RPH3A: variants seen among roughly 807,000 people sequenced by gnomAD.
The protein encoded by RPH3A is rabphilin-3A.
RPH3A carries 48 observed loss-of-function variants against 102.2 expected under a neutral mutation model. The ratio of observed to expected loss-of-function variants is 0.47; its 90% CI spans 0.37 to 0.60. The LOEUF (loss-of-function observed/expected upper bound fraction) is 0.60, where lower values mean the gene tolerates loss of function less well. Among genes scored for constraint, RPH3A ranks in the 20% least tolerant of loss-of-function variants. RPH3A has a pLI of 0.00. For missense variants in RPH3A, 781 were observed against 910.1 expected, an observed-to-expected ratio of 0.86 and a Z score of 1.83; for synonymous variants, 310 against 324.3, an observed-to-expected ratio of 0.96 and a Z score of 0.47.
chr12:112,777,501 A>G (rs2040976174), intron 1 of RPH3A, among the ~76,000 whole-genome samples: 1 of 152,212 alleles, frequency 6.6e-6, no homozygotes, highest in Non-Finnish European at 1.5e-5. Context: ...GCAGCAAGGC[A>G]GCGATCTATT....
At chr12:112,738,934 T>A (rs1040765705) in intron 1 of RPH3A, among the ~76,000 whole-genome samples, 3 of 152,128 alleles carry the variant, frequency 2.0e-5, no homozygotes. Flanking sequence ...AATTTTCTAA[T>A]GAAAGCAAAG....
intron 1 of RPH3A, among the ~76,000 whole-genome samples, chr12:112,632,000 C>T (rs1431141025): frequency 6.6e-6 from 1 of 152,142 alleles, no homozygotes; most frequent in Non-Finnish European, 1.5e-5. Flanking sequence ...CCACAATTTC[C>T]ACATGTCATG....
At chr12:112,792,640 G>C (rs2136087589) in intron 2 of RPH3A, among the ~76,000 whole-genome samples, 1 of 152,354 alleles carries the variant, frequency 6.6e-6, no homozygotes, top group East Asian at 1.9e-4. Context: ...TGGGTACTCT[G>C]ACTTAGCAAG....
chr12:112,847,671 C>T (rs1386681755), intron 4 of RPH3A, 25 bp from the exon 5 acceptor site: 2 of 1,611,602 alleles, frequency 1.2e-6, no homozygotes, highest in Middle Eastern at 1.8e-4. Flanking sequence ...TGCCCACCCT[C>T]ACACCTTCCC....
intron 4 of RPH3A, 96 bp from the exon 5 acceptor site, chr12:112,847,600 C>T (rs2042251732): frequency 7.5e-7 from 1 of 1,330,022 alleles, no homozygotes; most frequent in Admixed American, 1.9e-5. Flanking sequence ...GAGAGATGAT[C>T]CTTTTGTCCA....
intron 1 of RPH3A, among the ~76,000 whole-genome samples, chr12:112,713,749 C>A (rs551195776): frequency 3.9e-5 from 6 of 152,288 alleles, no homozygotes; most frequent in African/African-American, 1.4e-4. Context: ...AGGGGAGAGG[C>A]ACCCAATTTG....
At chr12:112,658,660 A>G (rs1373247380) in intron 1 of RPH3A, among the ~76,000 whole-genome samples, 1 of 152,186 alleles carries the variant, frequency 6.6e-6, no homozygotes, top group Non-Finnish European at 1.5e-5. Flanking sequence ...TGCTGGACAT[A>G]TTTTGCAGGC....
At chr12:112,644,157 G>A (rs182517940) in intron 1 of RPH3A, among the ~76,000 whole-genome samples, 1 of 152,266 alleles carries the variant, frequency 6.6e-6, no homozygotes, top group East Asian at 1.9e-4. Flanking sequence ...GTGGGAGTGT[G>A]GAAGGGAGCT....
intron 1 of RPH3A, among the ~76,000 whole-genome samples, chr12:112,655,252 A>T (rs953571759): frequency 1.3e-5 from 2 of 152,242 alleles, no homozygotes; most frequent in East Asian, 3.8e-4. Context: ...TGCTCTGGCA[A>T]GTAATTTTCC....
intron 5 of RPH3A, among the ~76,000 whole-genome samples, chr12:112,857,758 C>A (rs186254872): frequency 2.0e-5 from 3 of 152,170 alleles, no homozygotes; most frequent in African/African-American, 4.8e-5. Flanking sequence ...AACCTGCTGG[C>A]GTGCAATGGC....
At chr12:112,706,906 G>A (rs1042251106) in intron 1 of RPH3A, among the ~76,000 whole-genome samples, 3 of 152,306 alleles carry the variant, frequency 2.0e-5, no homozygotes, top group South Asian at 2.1e-4. Flanking sequence ...GGACAAGCTT[G>A]TAGTCTGACG....
intron 2 of RPH3A, among the ~76,000 whole-genome samples, chr12:112,810,589 G>A (rs575241274): frequency 1.3e-5 from 2 of 152,184 alleles, no homozygotes; most frequent in East Asian, 3.8e-4. Context: ...CTCCACAAAA[G>A]TGATGGCAGA....
At chr12:112,780,355 C>G (rs2040999281) in intron 1 of RPH3A, among the ~76,000 whole-genome samples, 1 of 151,350 alleles carries the variant, frequency 6.6e-6, no homozygotes, top group South Asian at 2.1e-4. Context: ...TCCCACCCTC[C>G]CTGCTTTTGG....
At chr12:112,744,957 T>A (rs2040734080) in intron 1 of RPH3A, among the ~76,000 whole-genome samples, 1 of 152,232 alleles carries the variant, frequency 6.6e-6, no homozygotes, top group Non-Finnish European at 1.5e-5. Flanking sequence ...AACATTATCA[T>A]CTAATCCACA....
intron 1 of RPH3A, among the ~76,000 whole-genome samples, chr12:112,667,229 C>T (rs1441093280): frequency 6.6e-6 from 1 of 152,200 alleles, no homozygotes; most frequent in East Asian, 1.9e-4. Flanking sequence ...GTGCAGGCAA[C>T]TCCCAGATAC....
In RPH3A at chr12:112,841,705, TGG is replaced by T. The variant is rs1491494302; in HGVS notation, c.83+5204_83+5205del. ...AAAGCTTGAGTTTTTTTTGTTTTTT[TGG>T]TTTTTTTTTTTTTTCCATTGCATCC... On this transcript the variant is annotated intron_variant, in intron 4 of 21. Coordinates refer to ENST00000389385, the MANE Select transcript of RPH3A (RefSeq NM_001143854.2). 1.9e-3 allele frequency among the ~76,000 whole-genome samples: 207 copies of T among 110,878 alleles called. No individual in the cohort carries two copies. The South Asian group carries it at 0.019, about 10-fold the overall frequency. 72.7% of individuals were successfully genotyped at this position (110,878 alleles called of 152,430 possible).
rs372838781 is a variant in RPH3A at position 112,894,311 on chromosome 12, G to A, written c.1776-267G>A. ...GCTGTGTGAGCTAGGGCACACTTCT[G>A]CCTCTCTGGATCTCAGTTTCTGTTT... On this transcript the variant is annotated intron_variant, in intron 19 of 21. Coordinates refer to ENST00000389385, the MANE Select transcript of RPH3A (RefSeq NM_001143854.2). 15 of 495,860 alleles carry A rather than the reference G, an allele frequency of 3.0e-5. No individual in the cohort carries two copies. In the South Asian group the frequency reaches 4.7e-4, roughly 16 times the overall value. 30.7% of individuals were successfully genotyped at this position (495,860 alleles called of 1,614,324 possible).
At chr12:112,791,039 G>T (rs1393386444), upstream of RPH3A, 1 of 152,200 alleles carries the variant, frequency 6.6e-6, no homozygotes, top group Non-Finnish European at 1.5e-5. Flanking sequence ...AACATTAAAT[G>T]ACTTTTCCAG....
At chr12:112,835,864 G>C (rs554688073) in intron 3 of RPH3A, among the ~76,000 whole-genome samples, 1 of 71,700 alleles carries the variant, frequency 1.4e-5, no homozygotes, top group Non-Finnish European at 3.3e-5. Flanking sequence ...TTAGGGCAAT[G>C]GTTCAGTTTT....
Sources: allele counts gnomAD v4.1 joint callset (sites outside exome capture counted in the v4.1 genomes callset), GRCh38; gene constraint gnomAD v4.1.1; transcripts MANE v1.5; gene names NCBI Gene and HGNC (gene_info 2026-07-23, HGNC 2026-07-21).